Variants in WWOX observed in about 807,000 individuals in gnomAD.
The protein encoded by WWOX is WW domain containing oxidoreductase.
Under a neutral mutation model 46.2 loss-of-function variants are expected in WWOX, and 69 were observed. That is an observed-to-expected ratio of 1.49 (90% CI 1.23 to 1.82). The LOEUF (loss-of-function observed/expected upper bound fraction) is 1.82. Ranked by LOEUF, WWOX falls within the 40% of genes most tolerant of loss-of-function variation. The pLI is 0.00. For missense variants in WWOX, 919 were observed against 542.6 expected, an observed-to-expected ratio of 1.69 and a Z score of -6.89; for synonymous variants, 359 against 202.6, an observed-to-expected ratio of 1.77 and a Z score of -6.56.
At chr16:78,662,577 A>C (rs1461071054) in intron 8 of WWOX, among the ~76,000 whole-genome samples, 2 of 152,150 alleles carry the variant, frequency 1.3e-5, no homozygotes, top group Non-Finnish European at 2.9e-5. Flanking sequence ...AGAAAACAGA[A>C]GGAGCACCAG....
chr16:78,815,971 CT>C (rs777997363), intron 8 of WWOX, among the ~76,000 whole-genome samples: 45 of 152,176 alleles, frequency 3.0e-4, no homozygotes, highest in Non-Finnish European at 5.7e-4. Context: ...CCTGGGTGAC[CT>C]TGTGTGTCCT....
chr16:78,949,383 G>C (rs1243540636), intron 8 of WWOX, among the ~76,000 whole-genome samples: 2 of 152,194 alleles, frequency 1.3e-5, no homozygotes, highest in East Asian at 3.9e-4. Flanking sequence ...GCCTTCCACA[G>C]GGTGGGGCTC....
intron 8 of WWOX, among the ~76,000 whole-genome samples, chr16:78,744,157 G>C (rs532211759): frequency 6.6e-6 from 1 of 152,262 alleles, no homozygotes; most frequent in East Asian, 1.9e-4. Flanking sequence ...ATTTGATACA[G>C]ATCAGAAGGT....
intron 8 of WWOX, among the ~76,000 whole-genome samples, chr16:78,823,957 T>G (rs1161821110): frequency 2.0e-5 from 3 of 152,006 alleles, no homozygotes; most frequent in Non-Finnish European, 4.4e-5. Context: ...TGTTTTTTAT[T>G]GAGATGGGGT....
In WWOX at chr16:78,102,074, C is replaced by T. The variant is rs77051420; in HGVS notation, c.107+2189C>T. Among the ~76,000 whole-genome samples, 476 of 152,214 alleles carry T rather than the reference C, an allele frequency of 3.1e-3. 5 individuals are homozygous for T. Among genetic ancestry groups the T allele is most frequent in the African/African-American group, 0.011 (439 of 41,528 alleles). On this transcript the variant is annotated intron_variant, in intron 1 of 8. Transcript: ENST00000566780. ...TACCCGGGACCACAGGTGTGTGCCT[C>T]CACACCCAGCTAATTATTACATGTT...
rs371975779 is a variant in WWOX at position 78,917,805 on chromosome 16, C to T, written c.1057-293803C>T. 2.0e-4 allele frequency among the ~76,000 whole-genome samples: 31 copies of T among 151,886 alleles called. No individual in the cohort carries two copies. In the Middle Eastern group the frequency reaches 0.017, roughly 83 times the overall value. ...TAGTTTTTAAAGTTTGAGAAAAACC[C>T]GTATTGTGGAATGAAAATGATACTG... is the stretch of plus-strand genomic sequence containing the variant. On this transcript the variant is annotated intron_variant, in intron 8 of 8. Transcript: ENST00000566780.
intron 8 of WWOX, among the ~76,000 whole-genome samples, chr16:79,123,644 C>T (rs983103213): frequency 6.6e-6 from 1 of 152,118 alleles, no homozygotes; most frequent in African/African-American, 2.4e-5. Flanking sequence ...AGGCTCCAGG[C>T]TTTTTCCCTA....
intron 5 of WWOX, among the ~76,000 whole-genome samples, chr16:78,323,104 ATT>A (rs199808142): frequency 6.6e-6 from 1 of 150,712 alleles, no homozygotes; most frequent in Admixed American, 6.6e-5. Context: ...GGGTTCTTGT[ATT>A]TTTTTTTGTT....
chr16:78,589,849 A>C (rs908289618), intron 8 of WWOX, among the ~76,000 whole-genome samples: 1 of 151,964 alleles, frequency 6.6e-6, no homozygotes, highest in Non-Finnish European at 1.5e-5. Flanking sequence ...CTATGATGCT[A>C]CTTCTTAGCT....
chr16:79,069,284 C>T (rs557967818), intron 8 of WWOX, among the ~76,000 whole-genome samples: 3 of 152,314 alleles, frequency 2.0e-5, no homozygotes, highest in Admixed American at 1.3e-4. Context: ...CTCTTACGCA[C>T]TCAGCGAAGG....
intron 8 of WWOX, among the ~76,000 whole-genome samples, chr16:79,070,400 T>C (rs2048527782): frequency 6.6e-6 from 1 of 152,148 alleles, no homozygotes; most frequent in East Asian, 1.9e-4. Context: ...AATGGTCTCC[T>C]GGCTGTCTTT....
rs141964196 is a variant in WWOX at position 78,473,609 on chromosome 16, C to A, written c.1056+40857C>A. ...CAGGGGAGATTGTTGTCCCTCCTTT[C>A]CTAAGAAAATGTGGAAAGATGAGAA... On this transcript the variant is annotated intron_variant, in intron 8 of 8. Transcript: ENST00000566780. 2.7e-4 allele frequency among the ~76,000 whole-genome samples: 40 copies of A among 150,902 alleles called. No homozygotes were observed. In the East Asian group the frequency reaches 7.5e-3, roughly 28 times the overall value.
chr16:78,635,914 G>A (rs6564570), intron 8 of WWOX, among the ~76,000 whole-genome samples: 3,827 of 152,198 alleles, frequency 0.025, 173 homozygotes, highest in African/African-American at 0.086. Context: ...AAAGTGCCTC[G>A]TATTATACAG....
intron 8 of WWOX, among the ~76,000 whole-genome samples, chr16:78,599,243 G>A (rs1443863486): frequency 6.6e-6 from 1 of 152,216 alleles, no homozygotes; most frequent in Non-Finnish European, 1.5e-5. Context: ...TTGAGAAAGA[G>A]GAAAATTCTC....
At chr16:78,344,304 C>G (rs1388886599) in intron 5 of WWOX, among the ~76,000 whole-genome samples, 1 of 120,532 alleles carries the variant, frequency 8.3e-6, no homozygotes, top group Non-Finnish European at 2.0e-5. Flanking sequence ...GCACCCATTG[C>G]TTAATTTCTC....
chr16:78,855,956 T>C (rs2052556151), intron 8 of WWOX, among the ~76,000 whole-genome samples: 1 of 152,132 alleles, frequency 6.6e-6, no homozygotes. Flanking sequence ...ATGAGTTTTG[T>C]ACGGAAAAAG....
In WWOX at chr16:78,521,730, A is replaced by G. The variant is rs142507052; in HGVS notation, c.1056+88978A>G. Reference sequence around the variant, plus strand: ...CTTTTTATTTCACTAGTTCCAAAAGAGTATCTCTCAAAATATTAGGTAGTA... The same window carrying G: ...CTTTTTATTTCACTAGTTCCAAAAGGGTATCTCTCAAAATATTAGGTAGTA... On this transcript the variant is annotated intron_variant, in intron 8 of 8. Transcript: ENST00000566780. Among the ~76,000 whole-genome samples the G allele has an allele frequency of 3.2e-3, 489 of 152,162 alleles. 3 individuals are homozygous for G. Among genetic ancestry groups the G allele is most frequent in the African/African-American group, 0.011 (439 of 41,514 alleles).
At chr16:78,199,049 A>G (rs776787231) in intron 5 of WWOX, among the ~76,000 whole-genome samples, 2 of 152,106 alleles carry the variant, frequency 1.3e-5, no homozygotes, top group Non-Finnish European at 2.9e-5. Flanking sequence ...AGCCATAATT[A>G]AATCTCCCAT....
At chr16:78,812,333 C>T (rs189157495) in intron 8 of WWOX, among the ~76,000 whole-genome samples, 6 of 152,096 alleles carry the variant, frequency 3.9e-5, no homozygotes, top group African/African-American at 1.2e-4. Context: ...GTTTTGAGAC[C>T]CTCAGGGTGA....
Sources: allele counts gnomAD v4.1 joint callset (sites outside exome capture counted in the v4.1 genomes callset), GRCh38; gene constraint gnomAD v4.1.1; transcripts MANE v1.5; gene names NCBI Gene and HGNC (gene_info 2026-07-23, HGNC 2026-07-21).